Variants in PLXNA2 observed in about 807,000 individuals in gnomAD.
PLXNA2 encodes plexin-A2.
In PLXNA2, 91 loss-of-function variants were observed where a neutral mutation model predicts 193.5. That is an observed-to-expected ratio of 0.47 (90% CI 0.40 to 0.56). The LOEUF (loss-of-function observed/expected upper bound fraction) is 0.56. Among genes scored for constraint, PLXNA2 ranks in the 20% least tolerant of loss-of-function variants. The pLI, the probability that PLXNA2 is intolerant of heterozygous loss-of-function variation, is 0.00. For missense variants in PLXNA2, 1,995 were observed against 2,503.2 expected, an observed-to-expected ratio of 0.80 and a Z score of 4.33; for synonymous variants, 997 against 1,027.3, an observed-to-expected ratio of 0.97 and a Z score of 0.56.
intron 12 of PLXNA2, among the ~76,000 whole-genome samples, chr1:208,062,487 G>T (rs562131862): frequency 6.6e-6 from 1 of 152,094 alleles, no homozygotes; most frequent in Non-Finnish European, 1.5e-5. Flanking sequence ...CTGCAGAGCC[G>T]GGACTTGAAC....
chr1:208,162,680 C>T (rs566792989), intron 3 of PLXNA2, among the ~76,000 whole-genome samples: 1 of 152,146 alleles, frequency 6.6e-6, no homozygotes, highest in Admixed American at 6.5e-5. Context: ...TGTGCTTTAC[C>T]TGTATGAAGA....
At chr1:208,234,574 A>G (rs1251103679) in intron 1 of PLXNA2, among the ~76,000 whole-genome samples, 1 of 152,166 alleles carries the variant, frequency 6.6e-6, no homozygotes, top group East Asian at 1.9e-4. Flanking sequence ...GTTTTGACCG[A>G]TGATCAGTGC....
intron 3 of PLXNA2, among the ~76,000 whole-genome samples, chr1:208,186,723 T>A (rs1003343501): frequency 7.6e-5 from 11 of 144,384 alleles, no homozygotes; most frequent in South Asian, 6.5e-4. Flanking sequence ...ATTTTTTTTT[T>A]TTTTTTTGAG....
chr1:208,037,598 A>G (rs962332397), intron 26 of PLXNA2, among the ~76,000 whole-genome samples: 1 of 151,696 alleles, frequency 6.6e-6, no homozygotes, highest in African/African-American at 2.4e-5. Flanking sequence ...CTATTTTAGT[A>G]TTTTTTCTGA....
intron 4 of PLXNA2, among the ~76,000 whole-genome samples, chr1:208,111,526 C>T (rs558072887): frequency 6.6e-6 from 1 of 152,168 alleles, no homozygotes; most frequent in South Asian, 2.1e-4. Context: ...CCCGGTCTTG[C>T]CAGTGATCAG....
chr1:208,054,502 G>A lies in PLXNA2; in HGVS notation c.2775C>T (p.Thr925=). 6.2e-7 allele frequency: 1 copy of A among 1,614,224 alleles called. No homozygotes were observed. Among genetic ancestry groups the A allele is most frequent in the Non-Finnish European group, 8.5e-7 (1 of 1,180,022 alleles). Residue 925 remains threonine (T), a synonymous_variant, in exon 14 of 32, where the codon ACC becomes ACT. Transcript: ENST00000367033. The stretch of plus-strand genomic sequence containing the variant: ...TACACAGGCGTACTGGCCCGGAGGT[G>A]GTTCCCACGAGGGCATGGCCCATCT... ...VCEMGHALVG[T]TSGPVRLCIG...
chr1:208,238,088 G>A (rs4844660), intron 1 of PLXNA2, among the ~76,000 whole-genome samples: 21,568 of 152,150 alleles, frequency 0.14, 2,273 homozygotes, highest in East Asian at 0.37. Context: ...GAGAAAGCCT[G>A]GGAGAACAAC....
At chr1:208,193,881 A>T (rs1383576025) in intron 3 of PLXNA2, among the ~76,000 whole-genome samples, 2 of 152,166 alleles carry the variant, frequency 1.3e-5, no homozygotes, top group African/African-American at 4.8e-5. Flanking sequence ...GGGGTGACAG[A>T]GTGGGACCTG....
At chr1:208,069,991 G>A (rs1665930317) in intron 12 of PLXNA2, among the ~76,000 whole-genome samples, 1 of 152,220 alleles carries the variant, frequency 6.6e-6, no homozygotes, top group Admixed American at 6.5e-5. Flanking sequence ...GTGTCCCAGA[G>A]AGGTTAAGTA....
intron 3 of PLXNA2, among the ~76,000 whole-genome samples, chr1:208,188,926 C>T (rs1167526121): frequency 2.0e-5 from 3 of 152,094 alleles, no homozygotes; most frequent in Non-Finnish European, 2.9e-5. Context: ...TTATGTACTC[C>T]AGCCCCAGAT....
chr1:208,062,124 A>C (rs1372743799), intron 12 of PLXNA2, among the ~76,000 whole-genome samples: 3 of 152,118 alleles, frequency 2.0e-5, no homozygotes, highest in Non-Finnish European at 4.4e-5. Context: ...ATCTCCCAGA[A>C]GAGGATACCT....
chr1:208,233,920 C>T (rs78855319), intron 1 of PLXNA2, among the ~76,000 whole-genome samples: 2 of 152,016 alleles, frequency 1.3e-5, no homozygotes, highest in Non-Finnish European at 1.5e-5. Context: ...CACCACACTG[C>T]GCAGCACCAT....
At chr1:208,118,528 C>T (rs1031705980) in intron 4 of PLXNA2, among the ~76,000 whole-genome samples, 1 of 152,210 alleles carries the variant, frequency 6.6e-6, no homozygotes, top group Admixed American at 6.5e-5. Flanking sequence ...TCCCCCACCC[C>T]GGGGTCTTGT....
intron 4 of PLXNA2, among the ~76,000 whole-genome samples, chr1:208,122,625 G>A (rs973845911): frequency 6.6e-6 from 1 of 152,086 alleles, no homozygotes; most frequent in Non-Finnish European, 1.5e-5. Flanking sequence ...AGGAAAGCCC[G>A]TGAGATGCAC....
rs952810529 is a variant in PLXNA2, at chr1:208,217,971, C to T, written c.-49G>A. ...GACGGCTCCTGTGTGTGCTCATCTG[C>T]TCCACCTTCCCCGGTTGGCCCTCAC... On this transcript the variant is annotated 5_prime_UTR_variant, in exon 2 of 32. Coordinates refer to ENST00000367033, the MANE Select transcript of PLXNA2 (RefSeq NM_025179.4). The surrounding 1 kb of genome is among the most constrained non-coding windows in gnomAD (Gnocchi z 4.7). The T allele has an allele frequency of 3.1e-6, 5 of 1,589,756 alleles. No homozygotes were observed. The highest frequency in any genetic ancestry group is 1.7e-5 in the Admixed American group (1 of 57,916).
At chr1:208,142,064 G>T (rs573531277) in intron 4 of PLXNA2, among the ~76,000 whole-genome samples, 2 of 152,336 alleles carry the variant, frequency 1.3e-5, no homozygotes, top group South Asian at 2.1e-4. Flanking sequence ...GCTGCTCCAC[G>T]CAGTCTGGCC....
chr1:208,152,398 G>A (rs558275558), intron 3 of PLXNA2, among the ~76,000 whole-genome samples: 1 of 152,192 alleles, frequency 6.6e-6, no homozygotes, highest in Non-Finnish European at 1.5e-5. Flanking sequence ...AGTCTTTATT[G>A]CCTCTTATCT....
intron 1 of PLXNA2, among the ~76,000 whole-genome samples, chr1:208,233,422 C>T (rs73082038): frequency 0.014 from 2,124 of 151,472 alleles, 53 homozygotes; most frequent in African/African-American, 0.049. Context: ...ATGGCTGCTT[C>T]CCCAGGGCCC....
Position 208,244,062 on chromosome 1 carries a change from C to T in PLXNA2, c.-500G>A, listed in dbSNP as rs1672152428. On this transcript the variant is annotated 5_prime_UTR_variant, in exon 1 of 32. Coordinates refer to ENST00000367033, the MANE Select transcript of PLXNA2 (RefSeq NM_025179.4). ...CATCAGCAATCCCGGCGCTTCCTTCCCTTCTTGCTCTCCGGTTCGTTCACA... is the reference window on the plus strand; with the variant it reads ...CATCAGCAATCCCGGCGCTTCCTTCTCTTCTTGCTCTCCGGTTCGTTCACA... 1 of 152,774 alleles carries T rather than the reference C, an allele frequency of 6.5e-6. No homozygotes were observed. The highest frequency in any genetic ancestry group is 6.5e-5 in the Admixed American group (1 of 15,294). 9.5% of individuals were successfully genotyped at this position (152,774 alleles called of 1,614,324 possible).
Sources: gnomAD v4.1 joint callset for allele counts (sites outside exome capture counted in the v4.1 genomes callset) on GRCh38, gnomAD v4.1.1 for gene constraint, Gnocchi (gnomAD v3.1) non-coding constraint, MANE v1.5 for transcripts, NCBI Gene and HGNC (gene_info 2026-07-23, HGNC 2026-07-21) for gene names.